PCDH9: variants seen among roughly 807,000 people sequenced by gnomAD.
PCDH9 encodes the protein protocadherin-9.
In PCDH9, 24 loss-of-function variants were observed where a neutral mutation model predicts 70.6. That is an observed-to-expected ratio of 0.34 (90% confidence interval 0.25 to 0.48). The LOEUF (loss-of-function observed/expected upper bound fraction) is 0.48. Among genes scored for constraint, PCDH9 ranks in the 20% least tolerant of loss-of-function variants. The probability of loss-of-function intolerance (pLI) is 0.99; values close to 1 mark genes in which losing one functional copy is unlikely to be tolerated. For missense variants in PCDH9, 1,281 were observed against 1,503.6 expected, an observed-to-expected ratio of 0.85 and a Z score of 2.45; for synonymous variants, 562 against 558.5, an observed-to-expected ratio of 1.01 and a Z score of -0.09.
intron 2 of PCDH9, among the ~76,000 whole-genome samples, chr13:66,949,460 ATCT>A (rs369635675): frequency 6.6e-6 from 1 of 152,230 alleles, no homozygotes; most frequent in African/African-American, 2.4e-5. Context: ...AATTACAGGA[ATCT>A]TCTCACTGTA....
At chr13:66,992,798 T>C (rs2084030630) in intron 2 of PCDH9, among the ~76,000 whole-genome samples, 1 of 151,928 alleles carries the variant, frequency 6.6e-6, no homozygotes, top group Non-Finnish European at 1.5e-5. Context: ...TCATTAAGGA[T>C]CTTCTAGGGC....
chr13:67,094,062 T>C (rs2086272527), intron 2 of PCDH9, among the ~76,000 whole-genome samples: 1 of 152,184 alleles, frequency 6.6e-6, no homozygotes. Flanking sequence ...TATACCCCTC[T>C]AATCTGTGGC....
intron 3 of PCDH9, among the ~76,000 whole-genome samples, chr13:66,833,474 C>T (rs1438955555): frequency 3.3e-5 from 5 of 152,136 alleles, no homozygotes; most frequent in African/African-American, 7.2e-5. Context: ...TCACTCTGTA[C>T]GTCTCTGGTA....
intron 2 of PCDH9, among the ~76,000 whole-genome samples, chr13:67,187,661 T>C (rs2088793839): frequency 6.6e-6 from 1 of 152,120 alleles, no homozygotes; most frequent in African/African-American, 2.4e-5. Flanking sequence ...TTTATTTATA[T>C]TTTTAATATA....
rs554087948 is a variant in PCDH9, at chr13:66,500,456, T to C, written c.3340+130754A>G. On this transcript the variant is annotated intron_variant, in intron 4 of 4. Coordinates refer to ENST00000377865, the MANE Select transcript of PCDH9 (RefSeq NM_203487.3). ...TTTTCTTTCATTTTTTTTCTAAATA[T>C]GTAAGACCGGATAAGTAAATTTTTT... 7.9e-5 allele frequency among the ~76,000 whole-genome samples: 12 copies of C among 152,260 alleles called. No individual in the cohort carries two copies. The East Asian group carries it at 2.3e-3, about 29-fold the overall frequency.
In PCDH9 at chr13:67,180,922, C is replaced by G. The variant is rs1203832316; in HGVS notation, c.3036+44483G>C. Among the ~76,000 whole-genome samples the G allele has an allele frequency of 2.0e-5, 3 of 152,064 alleles. No individual in the cohort carries two copies. The South Asian group carries it at 6.3e-4, about 32-fold the overall frequency. On this transcript the variant is annotated intron_variant, in intron 2 of 4. Transcript: ENST00000377865. ...TGTATTTACAGAGTTGTATTGTTAC[C>G]TTTTAGCACCATCAACTGCAATAAG...
intron 2 of PCDH9, among the ~76,000 whole-genome samples, chr13:66,937,912 C>T (rs759375528): frequency 1.3e-5 from 2 of 151,982 alleles, no homozygotes; most frequent in Admixed American, 1.3e-4. Context: ...GCCCAATTCA[C>T]GAATCATTCA....
chr13:66,496,934 T>C lies in PCDH9; in HGVS notation c.3340+134276A>G, dbSNP rs1034431006. On this transcript the variant is annotated intron_variant, in intron 4 of 4. Transcript: ENST00000377865. ...ATATCCAATGCATAACTGGCTACGA[T>C]TGGTTATCTCTTTCACAAGGCCACA... Among the ~76,000 whole-genome samples the C allele has an allele frequency of 1.8e-4, 28 of 152,318 alleles. 1 individual carries two copies. Among genetic ancestry groups the C allele is most frequent in the African/African-American group, 6.3e-4 (26 of 41,572 alleles).
At chr13:66,688,722 TATTG>T (rs1443338495) in intron 3 of PCDH9, among the ~76,000 whole-genome samples, 2 of 152,164 alleles carry the variant, frequency 1.3e-5, no homozygotes, top group Non-Finnish European at 2.9e-5. Flanking sequence ...TATAGAAACT[TATTG>T]ATTAATAACA....
intron 4 of PCDH9, among the ~76,000 whole-genome samples, chr13:66,627,255 C>T (rs991634936): frequency 1.2e-4 from 18 of 151,952 alleles, no homozygotes; most frequent in African/African-American, 3.6e-4. Context: ...CACAACTCTT[C>T]GGGAACTATC....
At chr13:66,856,932 C>T (rs549324343) in intron 3 of PCDH9, among the ~76,000 whole-genome samples, 2 of 152,098 alleles carry the variant, frequency 1.3e-5, no homozygotes, top group Admixed American at 1.3e-4. Flanking sequence ...CACTATTGAA[C>T]ATTTCTTTTT....
intron 4 of PCDH9, among the ~76,000 whole-genome samples, chr13:66,516,238 C>T (rs139848489): frequency 0.011 from 1,651 of 152,014 alleles, 39 homozygotes; most frequent in East Asian, 0.092. Flanking sequence ...CCAATAGATA[C>T]AACTGGCAAA....
intron 4 of PCDH9, among the ~76,000 whole-genome samples, chr13:66,378,816 G>A (rs1335838999): frequency 6.6e-6 from 1 of 152,156 alleles, no homozygotes; most frequent in Non-Finnish European, 1.5e-5. Context: ...TCATAGCTAA[G>A]AGTGATATGT....
At chr13:67,147,130 A>G (rs2087541928) in intron 2 of PCDH9, among the ~76,000 whole-genome samples, 1 of 152,158 alleles carries the variant, frequency 6.6e-6, no homozygotes, top group African/African-American at 2.4e-5. Context: ...TTCTGCAAGT[A>G]TTACAGTTCA....
chr13:66,487,845 T>C (rs1292855349), intron 4 of PCDH9, among the ~76,000 whole-genome samples: 1 of 152,122 alleles, frequency 6.6e-6, no homozygotes, highest in Admixed American at 6.6e-5. Flanking sequence ...TAAGCACCTA[T>C]GGAATTAACT....
intron 4 of PCDH9, among the ~76,000 whole-genome samples, chr13:66,589,589 A>G (rs1020989199): frequency 4.6e-5 from 7 of 152,074 alleles, no homozygotes; most frequent in African/African-American, 1.7e-4. Context: ...ATAAGATGGC[A>G]TAACTTGAAA....
intron 3 of PCDH9, among the ~76,000 whole-genome samples, chr13:66,766,576 C>T (rs1280272010): frequency 6.6e-6 from 1 of 151,158 alleles, no homozygotes; most frequent in Non-Finnish European, 1.5e-5. Flanking sequence ...TTTTATATTT[C>T]AGAGAGAAGA....
chr13:66,848,962 C>G (rs770652395), intron 3 of PCDH9, among the ~76,000 whole-genome samples: 220 of 149,688 alleles, frequency 1.5e-3, no homozygotes, highest in Non-Finnish European at 2.0e-3. Context: ...ATAGAGGAGC[C>G]AAAATATGTT....
chr13:66,580,051 G>T (rs1267426792), intron 4 of PCDH9, among the ~76,000 whole-genome samples: 1 of 151,756 alleles, frequency 6.6e-6, no homozygotes, highest in African/African-American at 2.4e-5. Flanking sequence ...GGAGCAATAG[G>T]ATATATACAT....
Sources: allele counts gnomAD v4.1 joint callset (sites outside exome capture counted in the v4.1 genomes callset), GRCh38; gene constraint gnomAD v4.1.1; transcripts MANE v1.5; gene names NCBI Gene and HGNC (gene_info 2026-07-23, HGNC 2026-07-21).